Variants in MFSD12 observed in about 807,000 individuals in gnomAD.
MFSD12 encodes the protein major facilitator superfamily domain containing 12.
In MFSD12, 67 loss-of-function variants were observed where a neutral mutation model predicts 51.2. The observed-to-expected ratio is 1.31, with a 90% CI of 1.08 to 1.60. MFSD12 has a LOEUF of 1.60. Among genes scored for constraint, MFSD12 ranks in the 40% most tolerant of loss-of-function variants. MFSD12 has a pLI of 0.00. For missense variants in MFSD12, 921 were observed against 673.0 expected, an observed-to-expected ratio of 1.37 and a Z score of -4.08; for synonymous variants, 441 against 316.7, an observed-to-expected ratio of 1.39 and a Z score of -4.17.
At chr19:3,545,169 C>A (rs2030883421) in intron 8 of MFSD12, among the ~76,000 whole-genome samples, 1 of 152,180 alleles carries the variant, frequency 6.6e-6, no homozygotes, top group Non-Finnish European at 1.5e-5. Flanking sequence ...TTCCCTGTCT[C>A]CTCATGGTCC....
chr19:3,546,542 A>C, intron 6 of MFSD12, 117 bp from the exon 7 acceptor site: 2 of 1,254,168 alleles, frequency 1.6e-6, no homozygotes, highest in Non-Finnish European at 2.2e-6. Context: ...GATGGTCCCT[A>C]AGGAGCCCTG....
chr19:3,549,404 A>T (rs548385760), intron 2 of MFSD12, among the ~76,000 whole-genome samples: 12 of 152,134 alleles, frequency 7.9e-5, no homozygotes, highest in Admixed American at 2.6e-4. Context: ...ATAACCAAGG[A>T]CCTTGGTCAG....
chr19:3,545,258 A>G (rs1160052431), intron 8 of MFSD12, among the ~76,000 whole-genome samples: 3 of 152,148 alleles, frequency 2.0e-5, no homozygotes, highest in Admixed American at 6.5e-5. Flanking sequence ...CCCGGCAGCA[A>G]CCACCAGAGG....
chr19:3,557,079 G>T, intron 1 of MFSD12, 27 bp downstream of exon 1: 1 of 1,428,186 alleles, frequency 7.0e-7, no homozygotes. Flanking sequence ...GGGGCTGCCC[G>T]ACAGGTGGCG....
Position 3,551,208 on chromosome 19 carries a change from A to C in MFSD12, c.299-14T>G, listed in dbSNP as rs760466013. On this transcript the variant is annotated splice_polypyrimidine_tract_variant and intron_variant, in intron 1 of 9. Transcript: ENST00000355415. The surrounding 1 kb of genome is among the most constrained non-coding windows in gnomAD (Gnocchi z 4.6). ...CGCAGACGGTGCCTGTGGAAGGCAGAGTGGTCAGTCGCGGGGCTGTCCCGC... is the reference window on the plus strand; with the variant it reads ...CGCAGACGGTGCCTGTGGAAGGCAGCGTGGTCAGTCGCGGGGCTGTCCCGC... The C allele has an allele frequency of 6.3e-7, 1 of 1,586,316 alleles. No homozygotes were observed. Among genetic ancestry groups the C allele is most frequent in the Non-Finnish European group, 8.6e-7 (1 of 1,165,582 alleles).
chr19:3,546,302 G>A lies in MFSD12; in HGVS notation c.1147C>T (p.Leu383Phe), dbSNP rs774545631. The change falls in exon 7 of 10, where the codon CTC becomes TTC. Residue 383 changes from leucine (L) to phenylalanine (F), a missense_variant. Transcript: ENST00000355415. ...GCCGTCATGGCCAGCGAGGTGACGA[G>A]GATGGTGGCACAGCCAGCACCCAGC... ...VLLGAGCATILVTSLAMTADL... is the reference protein window; with the variant it reads ...VLLGAGCATIFVTSLAMTADL... 148 of 1,610,048 alleles carry A rather than the reference G, an allele frequency of 9.2e-5. No homozygotes were observed. The highest frequency in any genetic ancestry group is 1.2e-4 in the Non-Finnish European group (139 of 1,179,036).
intron 2 of MFSD12, among the ~76,000 whole-genome samples, chr19:3,549,145 G>A (rs867858407): frequency 2.0e-5 from 3 of 152,182 alleles, no homozygotes; most frequent in Non-Finnish European, 4.4e-5. Context: ...CACGGCAGGT[G>A]CTCAATGCAT....
intron 6 of MFSD12, 136 bp from the exon 7 acceptor site, chr19:3,546,561 C>A: frequency 9.6e-7 from 1 of 1,046,972 alleles, no homozygotes; most frequent in Non-Finnish European, 1.4e-6. Flanking sequence ...TGGCTCTGGC[C>A]CTGGACACAA....
chr19:3,557,455 G>C lies in MFSD12; in HGVS notation c.-52C>G. 1 of 1,130,076 alleles carries C rather than the reference G, an allele frequency of 8.8e-7. No individual in the cohort carries two copies. The highest frequency in any genetic ancestry group is 4.7e-5 in the Admixed American group (1 of 21,082). The allele number at this position is 1,130,076 out of a possible 1,614,324, so 70.0% of individuals were successfully genotyped here. A position where few individuals can be genotyped will look rare whatever the true frequency, so the allele number is the denominator to read the frequency against. The stretch of plus-strand genomic sequence containing the variant: ...CCCCGGGCTCCGCGGAGGGTACCCT[G>C]GCCAGGCCTTCTTGGGTGCCGTGGG... On this transcript the variant is annotated 5_prime_UTR_variant, in exon 1 of 10. Coordinates refer to ENST00000355415, the MANE Select transcript of MFSD12 (RefSeq NM_174983.5).
At chr19:3,547,133 C>T (rs1019700885) in intron 6 of MFSD12, 139 bp downstream of exon 6, 11 of 755,642 alleles carry the variant, frequency 1.5e-5, no homozygotes, top group East Asian at 5.3e-5. Context: ...CCACCGTGCC[C>T]GGCCTAGATC....
chr19:3,543,886 C>T (rs1487032523), downstream of MFSD12: 58 of 1,550,658 alleles, frequency 3.7e-5, no homozygotes, highest in Non-Finnish European at 4.9e-5. Flanking sequence ...GACTACGTGC[C>T]CTCCCTGTCG....
downstream of MFSD12, among the ~76,000 whole-genome samples, chr19:3,540,471 T>C (rs552726066): frequency 3.3e-5 from 5 of 151,226 alleles, no homozygotes; most frequent in South Asian, 8.5e-4. Context: ...TTGGCCAGGA[T>C]GGTCTCGATC....
intron 1 of MFSD12, among the ~76,000 whole-genome samples, chr19:3,552,939 C>G (rs754329298): frequency 7.2e-5 from 11 of 152,182 alleles, no homozygotes; most frequent in Non-Finnish European, 1.3e-4. Flanking sequence ...TCCTCTCCTC[C>G]CAGCCTGGGG....
intron 8 of MFSD12, among the ~76,000 whole-genome samples, chr19:3,545,210 C>A (rs557390622): frequency 6.6e-6 from 1 of 152,216 alleles, no homozygotes; most frequent in African/African-American, 2.4e-5. Context: ...GCACCCGCCC[C>A]GGTCCCAGGC....
At chr19:3,539,946 G>C (rs2030221348), downstream of MFSD12, 1 of 152,142 alleles carries the variant, frequency 6.6e-6, no homozygotes, top group African/African-American at 2.4e-5. Flanking sequence ...CCATTTCCAA[G>C]GAAAGAAATT....
chr19:3,538,903 G>A, intron 4 of MFSD12: 2 of 654,652 alleles, frequency 3.1e-6, no homozygotes, highest in South Asian at 3.1e-5. Context: ...GTGTGGAGAT[G>A]GAGAAGCCAG....
rs1329589906 is a variant in MFSD12, at chr19:3,557,361, G to A, written c.43C>T (p.Arg15Trp). The change falls in exon 1 of 10, where the codon CGG becomes TGG. Residue 15 changes from arginine to tryptophan, a missense_variant. Transcript: ENST00000355415. ...PPAAGAAPSP[R>W]PLSLVARLSY... ...AGCCGCGCCACCAGGGACAGCGGCC[G>A]CGGGGACGGCGCCGCTCCGGCCGCT... is the stretch of plus-strand genomic sequence containing the variant. 2.7e-6 allele frequency: 4 copies of A among 1,505,642 alleles called. No individual in the cohort carries two copies. Among genetic ancestry groups the A allele is most frequent in the East Asian group, 2.8e-5 (1 of 35,478 alleles). 93.3% of individuals were successfully genotyped at this position (1,505,642 alleles called of 1,614,324 possible). A position where few individuals can be genotyped will look rare whatever the true frequency, so the allele number is the denominator to read the frequency against.
Position 3,546,266 on chromosome 19 carries a change from C to G in MFSD12, c.1183G>C (p.Gly395Arg). The change falls in exon 7 of 10, where the codon GGT (glycine) becomes CGT (arginine). Residue 395 changes from glycine (G) to arginine (R), a missense_variant. By Grantham distance (125) the Gly-to-Arg change is moderately radical. Coordinates refer to ENST00000355415, the MANE Select transcript of MFSD12 (RefSeq NM_174983.5). ...TSLAMTADLI[G>R]PHTNSGAFVY... Reference sequence around the variant, plus strand: ...GCTACCAGCCCTACCGTGTGGGGACCGATGAGGTCGGCCGTCATGGCCAGC... The same window carrying G: ...GCTACCAGCCCTACCGTGTGGGGACGGATGAGGTCGGCCGTCATGGCCAGC... The G allele has an allele frequency of 1.2e-6, 2 of 1,610,598 alleles. No homozygotes were observed. Among genetic ancestry groups the G allele is most frequent in the Non-Finnish European group, 1.7e-6 (2 of 1,179,042 alleles).
downstream of MFSD12, chr19:3,543,739 A>T: frequency 1.3e-6 from 2 of 1,494,142 alleles, no homozygotes; most frequent in Non-Finnish European, 1.8e-6. Flanking sequence ...CACCTAGGCC[A>T]GGGTGAAACT....
Sources: gnomAD v4.1 joint callset for allele counts (sites outside exome capture counted in the v4.1 genomes callset) on GRCh38, gnomAD v4.1.1 for gene constraint, Gnocchi (gnomAD v3.1) non-coding constraint, MANE v1.5 for transcripts, NCBI Gene and HGNC (gene_info 2026-07-23, HGNC 2026-07-21) for gene names.